Variants in TIAM1 observed in about 807,000 individuals in gnomAD.
The protein encoded by TIAM1 is rho guanine nucleotide exchange factor TIAM1.
A neutral mutation model predicts 163.5 loss-of-function variants in TIAM1; 65 were observed. The ratio of observed to expected loss-of-function variants is 0.40; its 90% CI spans 0.33 to 0.49. TIAM1 has a LOEUF of 0.49. TIAM1 is among the 20% of genes least tolerant of loss of function. The pLI is 0.77. For missense variants in TIAM1, 1,789 were observed against 2,044.7 expected (o/e 0.87, Z 2.41); for synonymous variants, 833 against 810.1 (o/e 1.03, Z -0.48).
chr21:31,498,148 G>A (rs1478163887), intron 1 of TIAM1, among the ~76,000 whole-genome samples: 2 of 152,176 alleles, frequency 1.3e-5, no homozygotes, highest in Non-Finnish European at 2.9e-5. Flanking sequence ...CCCTCCCTTG[G>A]AGATAACAGC....
chr21:31,376,506 G>A (rs1359520537), intron 2 of TIAM1, among the ~76,000 whole-genome samples: 6 of 152,122 alleles, frequency 3.9e-5, no homozygotes, highest in South Asian at 4.1e-4. Flanking sequence ...GCACAGATGC[G>A]TGTTTGGCAC....
chr21:31,380,560 A>G (rs2076761664), intron 2 of TIAM1, among the ~76,000 whole-genome samples: 1 of 152,004 alleles, frequency 6.6e-6, no homozygotes, highest in African/African-American at 2.4e-5. Context: ...ATAAAGTAAT[A>G]TAATATAAAG....
At chr21:31,310,738 C>A (rs2074893048) in intron 2 of TIAM1, among the ~76,000 whole-genome samples, 1 of 152,048 alleles carries the variant, frequency 6.6e-6, no homozygotes, top group South Asian at 2.1e-4. Context: ...CCCAAAATGA[C>A]AAAGCAGACA....
At chr21:31,432,193 C>T (rs1328082216) in intron 2 of TIAM1, among the ~76,000 whole-genome samples, 1 of 150,824 alleles carries the variant, frequency 6.6e-6, no homozygotes, top group Non-Finnish European at 1.5e-5. Flanking sequence ...CTCCACCTCC[C>T]GGGTTCAAGC....
chr21:31,119,709 G>T lies in TIAM1; in HGVS notation c.*659C>A, dbSNP rs1001876145. On this transcript the variant is annotated 3_prime_UTR_variant, in exon 28 of 28. Transcript: ENST00000541036. ...TTTCTTTCTCTCAAGCGATAAATTT[G>T]GATCTCTTTTCAAAGAGTTTGGCAT... 8 of 152,246 alleles carry T rather than the reference G, an allele frequency of 5.3e-5. No homozygotes were observed. Among genetic ancestry groups the T allele is most frequent in the African/African-American group, 1.7e-4 (7 of 41,294 alleles). 9.4% of individuals were successfully genotyped at this position (152,246 alleles called of 1,614,324 possible). A position where few individuals can be genotyped will look rare whatever the true frequency, so the allele number is the denominator to read the frequency against.
intron 2 of TIAM1, among the ~76,000 whole-genome samples, chr21:31,452,140 T>G (rs996624762): frequency 1.3e-5 from 2 of 152,140 alleles, no homozygotes; most frequent in Non-Finnish European, 2.9e-5. Flanking sequence ...CATGACAAAA[T>G]GATGAGGTGT....
At chr21:31,231,571 G>C (rs1286940685) in intron 6 of TIAM1, among the ~76,000 whole-genome samples, 2 of 152,168 alleles carry the variant, frequency 1.3e-5, no homozygotes, top group Non-Finnish European at 2.9e-5. Context: ...GCTGACCAAA[G>C]TTAAACACCC....
chr21:31,224,016 G>A (rs1172883254), intron 7 of TIAM1, among the ~76,000 whole-genome samples: 1 of 152,208 alleles, frequency 6.6e-6, no homozygotes, highest in Non-Finnish European at 1.5e-5. Context: ...TGGGAAGAGC[G>A]GGGTAGCCCG....
intron 23 of TIAM1, 65 bp from the exon 24 acceptor site, chr21:31,131,013 C>T (rs2082395020): frequency 7.2e-7 from 1 of 1,393,008 alleles, no homozygotes; most frequent in Admixed American, 1.7e-5. Context: ...TTGACATCAC[C>T]AACTTGTGGT....
At chr21:31,454,820 T>C (rs2045027640) in intron 2 of TIAM1, among the ~76,000 whole-genome samples, 1 of 152,182 alleles carries the variant, frequency 6.6e-6, no homozygotes, top group Non-Finnish European at 1.5e-5. Context: ...AATTCATGTG[T>C]GTGAAGATGT....
Position 31,217,637 on chromosome 21 carries a change from C to G in TIAM1, c.2058G>C (p.Ala686=), listed in dbSNP as rs141214847. Residue 686 remains alanine (A), a synonymous_variant, in exon 9 of 28, where the codon GCG becomes GCC. Coordinates refer to ENST00000541036, the MANE Select transcript of TIAM1 (RefSeq NM_001353694.2). ...RRRTQAMSRS[A]SKRRSRFSSL... ...AAGAAAACCTGCTCCTTCGCTTGCT[C>G]GCGGATCTGGACATGGCCTGAGTAC... 1 of 1,613,976 alleles carries G rather than the reference C, an allele frequency of 6.2e-7. No individual in the cohort carries two copies. The highest frequency in any genetic ancestry group is 1.7e-5 in the Admixed American group (1 of 59,994).
chr21:31,525,450 T>A (rs1178992636), intron 1 of TIAM1, among the ~76,000 whole-genome samples: 2 of 151,450 alleles, frequency 1.3e-5, no homozygotes, highest in Non-Finnish European at 2.9e-5. Context: ...AAGGCATTCA[T>A]GAGGGATCCA....
chr21:31,149,233 G>A (rs1019709438), intron 19 of TIAM1, among the ~76,000 whole-genome samples: 23 of 152,152 alleles, frequency 1.5e-4, no homozygotes, highest in African/African-American at 2.7e-4. Flanking sequence ...TGGAAGTACC[G>A]GTTTGGTATC....
intron 2 of TIAM1, among the ~76,000 whole-genome samples, chr21:31,366,723 T>G (rs1373193103): frequency 6.6e-6 from 1 of 152,168 alleles, no homozygotes; most frequent in Non-Finnish European, 1.5e-5. Context: ...TTCAAGCGAT[T>G]CTCCTGCCTC....
At chr21:31,516,302 C>T (rs1220847274) in intron 1 of TIAM1, among the ~76,000 whole-genome samples, 1 of 152,026 alleles carries the variant, frequency 6.6e-6, no homozygotes, top group Non-Finnish European at 1.5e-5. Flanking sequence ...ATCCCAGCTA[C>T]TAGTGAGGCT....
intron 22 of TIAM1, among the ~76,000 whole-genome samples, chr21:31,136,597 T>G (rs1015461478): frequency 6.6e-6 from 1 of 152,234 alleles, no homozygotes; most frequent in Admixed American, 6.5e-5. Flanking sequence ...GCTCATCTTT[T>G]TTTTCCCCAT....
intron 2 of TIAM1, among the ~76,000 whole-genome samples, chr21:31,288,915 G>A (rs2073914680): frequency 6.6e-6 from 1 of 152,104 alleles, no homozygotes; most frequent in Non-Finnish European, 1.5e-5. Context: ...AATCAGATTT[G>A]GGTTCAGTCT....
intron 1 of TIAM1, among the ~76,000 whole-genome samples, chr21:31,485,762 C>G (rs1395503273): frequency 1.3e-5 from 2 of 152,124 alleles, no homozygotes; most frequent in Admixed American, 1.3e-4. Context: ...TGGGTGCCAA[C>G]CACGGCCAGA....
rs1253881388 is a variant in TIAM1, at chr21:31,150,557, C to T, written c.3366+2079G>A. 2.0e-5 allele frequency among the ~76,000 whole-genome samples: 3 copies of T among 152,170 alleles called. No homozygotes were observed. The East Asian group carries it at 5.8e-4, about 29-fold the overall frequency. On this transcript the variant is annotated intron_variant, in intron 19 of 27. Coordinates refer to ENST00000541036, the MANE Select transcript of TIAM1 (RefSeq NM_001353694.2). ...ACACACAAATTAACTTTGATTCCTA[C>T]ATTAAACCATAACAAATTTAAGTTC...
Sources: gnomAD v4.1 joint callset for allele counts (sites outside exome capture counted in the v4.1 genomes callset) on GRCh38, gnomAD v4.1.1 for gene constraint, MANE v1.5 for transcripts, NCBI Gene and HGNC (gene_info 2026-07-23, HGNC 2026-07-21) for gene names.